RGL1: variants seen among roughly 807,000 people sequenced by gnomAD.
RGL1 encodes ral guanine nucleotide dissociation stimulator-like 1.
RGL1 carries 24 observed loss-of-function variants against 95.2 expected under a neutral mutation model. That is an observed-to-expected ratio of 0.25 (90% CI 0.18 to 0.35). The LOEUF is 0.35. Ranked by LOEUF, RGL1 falls within the 10% of genes least tolerant of loss-of-function variation. The pLI is 1.00. For synonymous variants in RGL1, 329 were observed against 344.9 expected, an observed-to-expected ratio of 0.95 and a Z score of 0.51; for missense variants, 715 against 936.3, an observed-to-expected ratio of 0.76 and a Z score of 3.08.
intron 1 of RGL1, among the ~76,000 whole-genome samples, chr1:183,666,040 TTTTTG>T (rs1652014444): frequency 6.7e-6 from 1 of 150,072 alleles, no homozygotes; most frequent in Non-Finnish European, 1.5e-5. Flanking sequence ...AGTTTCGCTC[TTTTTG>T]CCCAGGCTGG....
intron 1 of RGL1, among the ~76,000 whole-genome samples, chr1:183,695,353 A>G (rs1048056667): frequency 2.0e-5 from 3 of 152,210 alleles, no homozygotes; most frequent in African/African-American, 7.2e-5. Flanking sequence ...TCCAGGGTTA[A>G]TATGTCACTT....
At chr1:183,779,158 CCCTT>C (rs34992555) in intron 2 of RGL1, among the ~76,000 whole-genome samples, 17,167 of 91,566 alleles carry the variant, frequency 0.19, 1,664 homozygotes, top group Middle Eastern at 0.27. Context: ...TCAAAATTTT[CCCTT>C]CCTTCCTTCC....
chr1:183,779,902 A>C (rs1164244510), intron 2 of RGL1, among the ~76,000 whole-genome samples: 1 of 152,176 alleles, frequency 6.6e-6, no homozygotes, highest in Non-Finnish European at 1.5e-5. Flanking sequence ...GTATTTGTGA[A>C]GGAGGAAATG....
rs943886079 is a variant in RGL1 at position 183,718,944 on chromosome 1, C to T, written c.-32-23182C>T. On this transcript the variant is annotated intron_variant, in intron 1 of 18. Transcript: ENST00000304685. The stretch of plus-strand genomic sequence containing the variant: ...ACAAAACAAAACAAAAAAACGAAAA[C>T]GAACAAACACAAAAAGCACCTAAGA... Among the ~76,000 whole-genome samples the T allele has an allele frequency of 2.9e-4, 44 of 151,926 alleles. 1 individual carries two copies. The South Asian group carries it at 4.0e-3, about 14-fold the overall frequency.
intron 1 of RGL1, among the ~76,000 whole-genome samples, chr1:183,728,593 A>G (rs1033211399): frequency 6.6e-6 from 1 of 152,324 alleles, no homozygotes; most frequent in Non-Finnish European, 1.5e-5. Flanking sequence ...GAATTGATTT[A>G]TAGATTTGAT....
intron 4 of RGL1, among the ~76,000 whole-genome samples, chr1:183,869,978 G>T (rs904751414): frequency 1.3e-5 from 2 of 152,162 alleles, no homozygotes; most frequent in Non-Finnish European, 2.9e-5. Flanking sequence ...TCAACTTGGT[G>T]GGGGGAGGCT....
intron 1 of RGL1, among the ~76,000 whole-genome samples, chr1:183,731,816 C>G (rs1246085680): frequency 6.6e-6 from 1 of 152,130 alleles, no homozygotes; most frequent in African/African-American, 2.4e-5. Flanking sequence ...TCTTCTAACA[C>G]CTATCCTGTC....
At chr1:183,751,047 C>T (rs904547421) in intron 2 of RGL1, among the ~76,000 whole-genome samples, 4 of 152,188 alleles carry the variant, frequency 2.6e-5, no homozygotes, top group Non-Finnish European at 5.9e-5. Flanking sequence ...GGACAGGGAC[C>T]CACTTGAGGA....
intron 17 of RGL1, among the ~76,000 whole-genome samples, chr1:183,923,104 G>A (rs1326012981): frequency 6.6e-6 from 1 of 152,208 alleles, no homozygotes; most frequent in African/African-American, 2.4e-5. Context: ...AAGTGCAGAA[G>A]GAGCAGCAAA....
intron 1 of RGL1, among the ~76,000 whole-genome samples, chr1:183,735,445 T>C (rs1010188469): frequency 2.0e-5 from 3 of 152,190 alleles, no homozygotes; most frequent in Non-Finnish European, 4.4e-5. Context: ...GATGGAGTTT[T>C]GTAAAAAATT....
At chr1:183,723,189 A>G (rs1346992033) in intron 1 of RGL1, among the ~76,000 whole-genome samples, 2 of 152,246 alleles carry the variant, frequency 1.3e-5, no homozygotes, top group Non-Finnish European at 2.9e-5. Context: ...AGTATAGCCA[A>G]TAAACCAATA....
At chr1:183,900,314 G>A in intron 11 of RGL1, 78 bp downstream of exon 11, 1 of 1,179,498 alleles carries the variant, frequency 8.5e-7, no homozygotes. Flanking sequence ...ACTTCTCTTA[G>A]TATCTTTTGA....
chr1:183,643,274 A>G (rs144361615), intron 1 of RGL1, among the ~76,000 whole-genome samples: 3,932 of 125,528 alleles, frequency 0.031, 76 homozygotes, highest in African/African-American at 0.05. Flanking sequence ...TTATTTATTT[A>G]TTTATTTATT....
At chr1:183,682,077 G>A (rs1359019966) in intron 1 of RGL1, among the ~76,000 whole-genome samples, 1 of 151,980 alleles carries the variant, frequency 6.6e-6, no homozygotes, top group Non-Finnish European at 1.5e-5. Context: ...TAATAGTCTG[G>A]CTAGTGGTCT....
intron 1 of RGL1, among the ~76,000 whole-genome samples, chr1:183,663,256 A>G (rs1457220392): frequency 6.6e-6 from 1 of 151,994 alleles, no homozygotes; most frequent in African/African-American, 2.4e-5. Flanking sequence ...AAAAGAAACT[A>G]CCATCAGAGT....
chr1:183,656,113 C>CTTTTCTTT (rs149751789), intron 1 of RGL1, among the ~76,000 whole-genome samples: 1 of 144,972 alleles, frequency 6.9e-6, no homozygotes, highest in African/African-American at 2.5e-5. Context: ...CTTTTCTTTT[C>CTTTTCTTT]TTTTTTTTTT....
intron 1 of RGL1, among the ~76,000 whole-genome samples, chr1:183,639,825 T>C (rs1345978189): frequency 6.6e-6 from 1 of 151,724 alleles, no homozygotes; most frequent in Non-Finnish European, 1.5e-5. Context: ...GAAGGGAGGA[T>C]AAAGGGAAAT....
At chr1:183,813,933 AT>A (rs1215387940) in intron 2 of RGL1, among the ~76,000 whole-genome samples, 7 of 152,060 alleles carry the variant, frequency 4.6e-5, no homozygotes, top group African/African-American at 1.7e-4. Context: ...GTCTTTTCAC[AT>A]TTTATTTTTT....
Position 183,770,337 on chromosome 1 carries a change from G to C in RGL1, c.132+28048G>C, listed in dbSNP as rs756150508. ...AGTGATAGTACCAGAGAGACAGAGA[G>C]AGAGAGACTGAAACCCATCTCTGGC... On this transcript the variant is annotated intron_variant, in intron 2 of 18. Transcript: ENST00000304685. 5.9e-5 allele frequency among the ~76,000 whole-genome samples: 9 copies of C among 152,168 alleles called. 1 individual carries two copies. Among genetic ancestry groups the C allele is most frequent in the Admixed American group, 1.3e-4 (2 of 15,278 alleles).
Sources: gnomAD v4.1 joint callset for allele counts (sites outside exome capture counted in the v4.1 genomes callset) on GRCh38, gnomAD v4.1.1 for gene constraint, MANE v1.5 for transcripts, NCBI Gene and HGNC (gene_info 2026-07-23, HGNC 2026-07-21) for gene names.